The following NME9 variants were observed in gnomAD, a reference collection of about 807,000 sequenced individuals.
NME9 encodes NME/NM23 family member 9, also known as thioredoxin domain-containing protein 6.
Under a neutral mutation model 44.4 loss-of-function variants are expected in NME9, and 48 were observed. The observed-to-expected ratio is 1.08, with a 90% CI of 0.86 to 1.37. NME9 has a LOEUF of 1.37. NME9 is among the 40% of genes most tolerant of loss of function. The probability of loss-of-function intolerance (pLI) is 0.00; values close to 1 mark genes in which losing one functional copy is unlikely to be tolerated. For synonymous variants in NME9, 139 were observed against 147.1 expected (o/e 0.94, Z 0.40); for missense variants, 325 against 405.2 (o/e 0.80, Z 1.70).
intron 8 of NME9, among the ~76,000 whole-genome samples, chr3:138,271,818 C>T (rs140283620): frequency 1.2e-4 from 15 of 127,272 alleles, no homozygotes; most frequent in Non-Finnish European, 2.3e-4. Flanking sequence ...TTTTTTGATA[C>T]AGAGTCTCGC....
intron 4 of NME9, among the ~76,000 whole-genome samples, chr3:138,316,193 C>T (rs950710496): frequency 5.3e-5 from 8 of 152,188 alleles, no homozygotes; most frequent in African/African-American, 1.9e-4. Context: ...GGCCATGCCA[C>T]TCCTTTCAAA....
At chr3:138,329,171 C>T (rs921159088) in intron 1 of NME9, 132 bp downstream of exon 1, 13 of 805,888 alleles carry the variant, frequency 1.6e-5, no homozygotes, top group Non-Finnish European at 2.5e-5. Flanking sequence ...GGGTACATCA[C>T]TCAAGTTTGA....
intron 8 of NME9, among the ~76,000 whole-genome samples, chr3:138,286,089 G>A (rs114002169): frequency 0.014 from 2,074 of 152,076 alleles, 49 homozygotes; most frequent in African/African-American, 0.048. Flanking sequence ...GATTACAGGC[G>A]CGGCACTATT....
rs572016067 is a variant in NME9, at chr3:138,301,193, T to G, written c.*447A>C. ...GGCAGAAAAGTATATACTATTCTCT[T>G]TCTTTACTTTTTTTTTTATTATTAT... On this transcript the variant is annotated 3_prime_UTR_variant, in exon 11 of 11. Transcript: ENST00000333911. The G allele has an allele frequency of 1.2e-6, 1 of 837,576 alleles. No individual in the cohort carries two copies. Among genetic ancestry groups the G allele is most frequent in the South Asian group, 5.5e-5 (1 of 18,182 alleles). The allele number at this position is 837,576 out of a possible 1,614,324, so 51.9% of individuals were successfully genotyped here. A position where few individuals can be genotyped will look rare whatever the true frequency, so the allele number is the denominator to read the frequency against.
At chr3:138,264,155 T>C in intron 8 of NME9, 1 of 1,613,988 alleles carries the variant, frequency 6.2e-7, no homozygotes, top group Non-Finnish European at 8.5e-7. Context: ...TATCCAGATC[T>C]GTGCAGCAGC....
chr3:138,273,334 G>A lies in NME9; in HGVS notation c.746-10748C>T, dbSNP rs368060516. ...ACCCCCTATTCTCCACTCCTACACT[G>A]CTTATCCTGTCTCCCTCTAATCCCT... On this transcript the variant is annotated intron_variant, in intron 8 of 8. Transcript: ENST00000317876. 8.7e-4 allele frequency among the ~76,000 whole-genome samples: 133 copies of A among 152,294 alleles called. 1 individual carries two copies. The highest frequency in any genetic ancestry group is 3.0e-3 in the African/African-American group (126 of 41,544).
At chr3:138,293,431 G>A (rs1383563468) in intron 8 of NME9, among the ~76,000 whole-genome samples, 2 of 152,046 alleles carry the variant, frequency 1.3e-5, no homozygotes, top group East Asian at 3.9e-4. Context: ...CCTAGCTACT[G>A]GGGAGGCTGA....
intron 2 of NME9, 108 bp downstream of exon 2, chr3:138,324,765 A>G: frequency 1.2e-6 from 1 of 828,662 alleles, no homozygotes; most frequent in Non-Finnish European, 2.1e-6. Flanking sequence ...ATGAGGCTCA[A>G]GGTAATAGGA....
At chr3:138,282,772 C>A (rs2050062142) in intron 8 of NME9, among the ~76,000 whole-genome samples, 1 of 151,988 alleles carries the variant, frequency 6.6e-6, no homozygotes, top group South Asian at 2.1e-4. Context: ...ACTCCTAAAA[C>A]ATTGACTGTC....
intron 9 of NME9, 142 bp from the exon 10 acceptor site, chr3:138,303,785 CAGCAGCAATGATAAT>C: frequency 1.4e-6 from 1 of 731,634 alleles, no homozygotes; most frequent in Non-Finnish European, 2.2e-6. Context: ...ATACCAAGAA[CAGCAGCAATGATAAT>C]AGCAGCTGGC....
intron 3 of NME9, 28 bp from the exon 4 acceptor site, chr3:138,318,247 C>T: frequency 6.6e-7 from 1 of 1,514,716 alleles, no homozygotes; most frequent in Non-Finnish European, 9.2e-7. Context: ...CAGCAGGTAC[C>T]CTGGATGCAG....
At chr3:138,328,996 A>G (rs1261816482) in intron 1 of NME9, among the ~76,000 whole-genome samples, 1 of 152,026 alleles carries the variant, frequency 6.6e-6, no homozygotes. Context: ...GTTGATTCGT[A>G]TTTTCTTAGT....
At position 138,301,575 on chromosome 3, in the gene NME9, T is replaced by C. The variant is rs1577109242; in HGVS notation, c.*65A>G. 6.6e-6 allele frequency: 10 copies of C among 1,525,056 alleles called. No homozygotes were observed. The East Asian group carries it at 2.5e-4, about 37-fold the overall frequency. The allele number at this position is 1,525,056 out of a possible 1,614,324, so 94.5% of individuals were successfully genotyped here. A position where few individuals can be genotyped will look rare whatever the true frequency, so the allele number is the denominator to read the frequency against. On this transcript the variant is annotated 3_prime_UTR_variant, in exon 11 of 11. Coordinates refer to ENST00000333911, the MANE Select transcript of NME9 (RefSeq NM_001349018.2). ...TGGTACTCAAAAGAGTAAGTTCCGA[T>C]TCCGGAGGTCTGTTTTGTGCAGTAG...
rs558098933 is a variant in NME9, at chr3:138,264,675, T to C, written c.746-2089A>G. ...CCACGTGATCTGCCCGCCTCGGCCC[T>C]CCAAAGTGCTGGGATTACAGGCATG... On this transcript the variant is annotated intron_variant, in intron 8 of 8. Transcript: ENST00000317876. 1.2e-4 allele frequency among the ~76,000 whole-genome samples: 18 copies of C among 151,836 alleles called. No individual in the cohort carries two copies. The South Asian group carries it at 2.3e-3, about 19-fold the overall frequency.
At chr3:138,264,855 C>T (rs1396889472) in intron 8 of NME9, among the ~76,000 whole-genome samples, 3 of 150,070 alleles carry the variant, frequency 2.0e-5, no homozygotes, top group African/African-American at 7.3e-5. Context: ...CTGCCATTTA[C>T]AGAGATAATG....
At chr3:138,267,325 A>C in intron 8 of NME9, 1 of 799,746 alleles carries the variant, frequency 1.3e-6, no homozygotes. Flanking sequence ...TGACATTGAA[A>C]TCTGTGGGTT....
downstream of NME9, chr3:138,296,026 G>A (rs758687348): frequency 1.0e-5 from 8 of 778,218 alleles, no homozygotes; most frequent in Admixed American, 1.0e-4. Flanking sequence ...AAGCAGTTTA[G>A]TAGGCTTAGA....
rs2052124944 is a variant in NME9 at position 138,304,914 on chromosome 3, G to GC, written c.749dup (p.Arg252ProfsTer2). The stretch of plus-strand genomic sequence containing the variant: ...TCCTGGCCACATTGGGGTCACGGGG[G>GC]CCCATGACGGTTCGCCAGGTAGTGA... On this transcript the variant is annotated frameshift_variant, in exon 9 of 11. Coordinates refer to ENST00000333911, the MANE Select transcript of NME9 (RefSeq NM_001349018.2). LOFTEE classifies it high-confidence loss of function. 4 of 1,614,020 alleles carry GC rather than the reference G, an allele frequency of 2.5e-6. No individual in the cohort carries two copies. The African/African-American group carries it at 4.0e-5, about 16-fold the overall frequency.
At chr3:138,279,514 A>T (rs2049660572) in intron 8 of NME9, among the ~76,000 whole-genome samples, 1 of 152,106 alleles carries the variant, frequency 6.6e-6, no homozygotes, top group South Asian at 2.1e-4. Context: ...TTTTTTAATA[A>T]TGTCTTTTTC....
Sources: allele counts gnomAD v4.1 joint callset (sites outside exome capture counted in the v4.1 genomes callset), GRCh38; gene constraint gnomAD v4.1.1; transcripts MANE v1.5; gene names NCBI Gene and HGNC (gene_info 2026-07-23, HGNC 2026-07-21).